The following FNTA variants were observed in gnomAD, a reference collection of about 807,000 sequenced individuals.
FNTA encodes farnesyltransferase, CAAX box, subunit alpha, also known as protein farnesyltransferase/geranylgeranyltransferase type-1 subunit alpha.
FNTA carries 27 observed loss-of-function variants against 55.2 expected under a neutral mutation model. That is an observed-to-expected ratio of 0.49 (90% CI 0.36 to 0.67). The LOEUF (loss-of-function observed/expected upper bound fraction) is 0.67, where lower values mean the gene tolerates loss of function less well. FNTA is among the 30% of genes least tolerant of loss of function. FNTA has a pLI of 0.00. For missense variants in FNTA, 422 were observed against 464.7 expected, an observed-to-expected ratio of 0.91 and a Z score of 0.85; for synonymous variants, 176 against 170.7, an observed-to-expected ratio of 1.03 and a Z score of -0.24.
At chr8:43,072,090 T>G in intron 4 of FNTA, 91 bp from the exon 5 acceptor site, 2 of 985,912 alleles carry the variant, frequency 2.0e-6, no homozygotes, top group Non-Finnish European at 2.8e-6. Flanking sequence ...TTATTGTGTG[T>G]CCTTTCATGT....
chr8:43,070,473 C>T (rs966660610), intron 4 of FNTA: 1 of 152,074 alleles, frequency 6.6e-6, no homozygotes, highest in African/African-American at 2.4e-5. Flanking sequence ...AAGTTATTTA[C>T]CCTGTGGAAT....
intron 2 of FNTA, among the ~76,000 whole-genome samples, chr8:43,063,112 G>A (rs1255764714): frequency 7.0e-6 from 1 of 143,170 alleles, no homozygotes; most frequent in Non-Finnish European, 1.5e-5. Context: ...TTTTGAGACA[G>A]TGTTGTGCTG....
Position 43,077,347 on chromosome 8 carries a change from ATTGG to A in FNTA, c.766_769del (p.Leu256ArgfsTer10). On this transcript the variant is annotated frameshift_variant, in exon 6 of 9. Transcript: ENST00000302279. LOFTEE classifies it high-confidence loss of function. ...CCACTGGCTACAATGATCGTGCTGTATTGGAGAGAGAAGTCCAGTTAGTAATCTC... is the reference window on the plus strand; with the variant it reads ...CCACTGGCTACAATGATCGTGCTGTAAGAGAGAAGTCCAGTTAGTAATCTC... The A allele has an allele frequency of 6.2e-7, 1 of 1,610,528 alleles. No homozygotes were observed. Among genetic ancestry groups the A allele is most frequent in the Non-Finnish European group, 8.5e-7 (1 of 1,178,294 alleles).
chr8:43,072,421 C>G (rs1193365882), intron 5 of FNTA, 114 bp downstream of exon 5: 2 of 648,486 alleles, frequency 3.1e-6, no homozygotes, highest in Non-Finnish European at 4.5e-6. Flanking sequence ...ATCATTGCAC[C>G]CAATATATAA....
intron 3 of FNTA, among the ~76,000 whole-genome samples, chr8:43,068,946 A>T (rs1810723234): frequency 6.6e-6 from 1 of 152,144 alleles, no homozygotes; most frequent in Non-Finnish European, 1.5e-5. Flanking sequence ...TCCTGACCTC[A>T]GGTGACCCAC....
chr8:43,073,805 A>C (rs1359752073), intron 5 of FNTA, among the ~76,000 whole-genome samples: 1 of 152,200 alleles, frequency 6.6e-6, no homozygotes, highest in Non-Finnish European at 1.5e-5. Flanking sequence ...TAAACATCCC[A>C]AAATGCACAG....
chr8:43,066,978 A>G (rs541288890), intron 3 of FNTA, among the ~76,000 whole-genome samples: 7 of 152,336 alleles, frequency 4.6e-5, no homozygotes, highest in African/African-American at 9.6e-5. Flanking sequence ...TGTTTAGGAT[A>G]CCAACTTTTT....
chr8:43,070,277 C>T (rs916549101), intron 4 of FNTA: 4 of 151,514 alleles, frequency 2.6e-5, no homozygotes, highest in African/African-American at 9.7e-5. Flanking sequence ...CACTGCACTC[C>T]AGCCTGGGGG....
At chr8:43,075,425 ATTAT>A (rs34780494) in intron 5 of FNTA, among the ~76,000 whole-genome samples, 7,428 of 152,132 alleles carry the variant, frequency 0.049, 363 homozygotes, top group African/African-American at 0.12. Flanking sequence ...CTACTTTCAA[ATTAT>A]TTATAAGTTT....
intron 5 of FNTA, among the ~76,000 whole-genome samples, chr8:43,074,723 G>A (rs1385147274): frequency 6.6e-6 from 1 of 152,146 alleles, no homozygotes; most frequent in South Asian, 2.1e-4. Flanking sequence ...AATTATAGAC[G>A]TAGAGAACAG....
chr8:43,082,739 GCCAC>G (rs931314371), intron 6 of FNTA: 1 of 159,142 alleles, frequency 6.3e-6, no homozygotes, highest in African/African-American at 2.4e-5. Context: ...ACAAAGCTGT[GCCAC>G]AGTCTTAGTA....
chr8:43,072,156 CTT>C (rs1810807073), intron 4 of FNTA, 23 bp from the exon 5 acceptor site: 6 of 1,448,878 alleles, frequency 4.1e-6, no homozygotes, highest in Non-Finnish European at 5.5e-6. Flanking sequence ...TAACAAAAAA[CTT>C]CTCTCCCTTC....
chr8:43,063,254 T>C (rs1360259940), intron 2 of FNTA: 1 of 455,996 alleles, frequency 2.2e-6, no homozygotes, highest in South Asian at 1.5e-5. Context: ...TTAATTTCTA[T>C]ATTTTTTGTA....
intron 7 of FNTA, among the ~76,000 whole-genome samples, chr8:43,083,953 A>G (rs1811073102): frequency 6.6e-6 from 1 of 152,100 alleles, no homozygotes; most frequent in Non-Finnish European, 1.5e-5. Flanking sequence ...CACACCTGTA[A>G]TCCCAGCTAC....
chr8:43,070,484 T>C (rs554521983), intron 4 of FNTA: 100 of 152,260 alleles, frequency 6.6e-4, no homozygotes, highest in African/African-American at 2.3e-3. Flanking sequence ...CCTGTGGAAT[T>C]AAGGTGCTTT....
At chr8:43,080,139 A>G (rs1182806906) in intron 6 of FNTA, 3 of 152,266 alleles carry the variant, frequency 2.0e-5, no homozygotes, top group African/African-American at 7.2e-5. Flanking sequence ...TATTGTAAAT[A>G]TTACCTGAAC....
intron 3 of FNTA, among the ~76,000 whole-genome samples, chr8:43,067,630 T>A (rs2130552280): frequency 6.6e-6 from 1 of 151,616 alleles, no homozygotes; most frequent in South Asian, 2.1e-4. Flanking sequence ...TATATTTACA[T>A]GCTCTGGGAA....
intron 4 of FNTA, among the ~76,000 whole-genome samples, chr8:43,071,312 A>G (rs1810784971): frequency 6.6e-6 from 1 of 152,158 alleles, no homozygotes; most frequent in South Asian, 2.1e-4. Context: ...ATTTATATAA[A>G]TATTTCAGCC....
intron 2 of FNTA, among the ~76,000 whole-genome samples, chr8:43,062,148 A>C (rs557240928): frequency 2.0e-5 from 3 of 150,344 alleles, no homozygotes; most frequent in South Asian, 2.1e-4. Flanking sequence ...AGTTTATTTT[A>C]TCAATGTGCA....
Sources: gnomAD v4.1 joint callset for allele counts (sites outside exome capture counted in the v4.1 genomes callset) on GRCh38, gnomAD v4.1.1 for gene constraint, MANE v1.5 for transcripts, NCBI Gene and HGNC (gene_info 2026-07-23, HGNC 2026-07-21) for gene names.